NXNL1: variants seen among roughly 807,000 people sequenced by gnomAD.
NXNL1 encodes the protein nucleoredoxin like 1, also known as nucleoredoxin-like protein 1.
NXNL1 carries 6 observed loss-of-function variants against 7.2 expected under a neutral mutation model. The observed-to-expected ratio is 0.83, with a 90% CI of 0.46 to 1.64. NXNL1 has a LOEUF of 1.64. Among genes scored for constraint, NXNL1 ranks in the 40% most tolerant of loss-of-function variants. The pLI is 0.01. For synonymous variants in NXNL1, 133 were observed against 127.2 expected (o/e 1.05, Z -0.31); for missense variants, 308 against 285.1 (o/e 1.08, Z -0.58).
intron 1 of NXNL1, among the ~76,000 whole-genome samples, chr19:17,458,488 G>A (rs1163510581): frequency 3.3e-5 from 5 of 151,306 alleles, no homozygotes; most frequent in Admixed American, 2.0e-4. Context: ...GATTACAAGC[G>A]TGAGCCACTG....
intron 1 of NXNL1, 122 bp from the exon 2 acceptor site, chr19:17,456,081 CT>C: frequency 6.7e-7 from 1 of 1,493,830 alleles, no homozygotes; most frequent in Non-Finnish European, 8.9e-7. Flanking sequence ...TTGCCGGGCA[CT>C]GGGTAGGTGC....
In NXNL1 at chr19:17,460,923, G is replaced by C. The variant is rs73519955; in HGVS notation, c.-54C>G. 17,156 of 1,549,398 alleles carry C rather than the reference G, an allele frequency of 0.011. 761 individuals are homozygous for C. In the African/African-American group the frequency reaches 0.11, roughly 10 times the overall value. On this transcript the variant is annotated 5_prime_UTR_variant, in exon 1 of 2. Transcript: ENST00000301944. ...CGCGGCGTGTGGTCCCCGGTCTGCTGACTGGCTCCTCTCCCAGAAATAGAA... is the reference window on the plus strand; with the variant it reads ...CGCGGCGTGTGGTCCCCGGTCTGCTCACTGGCTCCTCTCCCAGAAATAGAA...
intron 1 of NXNL1, among the ~76,000 whole-genome samples, chr19:17,458,365 C>T (rs1323640620): frequency 4.0e-5 from 6 of 150,428 alleles, no homozygotes; most frequent in Admixed American, 3.3e-4. Flanking sequence ...GGACTACAGG[C>T]GCCCGCCACC....
At chr19:17,458,065 A>C (rs926914857) in intron 1 of NXNL1, among the ~76,000 whole-genome samples, 6 of 152,196 alleles carry the variant, frequency 3.9e-5, no homozygotes, top group African/African-American at 1.2e-4. Context: ...TTTTTATTGT[A>C]GACAAAGTGT....
chr19:17,460,503 C>T (rs1418206546), intron 1 of NXNL1, 41 bp downstream of exon 1: 1 of 1,589,234 alleles, frequency 6.3e-7, no homozygotes, highest in Non-Finnish European at 8.5e-7. Flanking sequence ...TTTCAGCGAA[C>T]ATGCCCCCTC....
Position 17,455,664 on chromosome 19 carries a change from C to T in NXNL1, c.622G>A (p.Ala208Thr). 3.9e-6 allele frequency: 2 copies of T among 514,986 alleles called. No individual in the cohort carries two copies. The highest frequency in any genetic ancestry group is 7.2e-6 in the Non-Finnish European group (2 of 276,422). 31.9% of individuals were successfully genotyped at this position (514,986 alleles called of 1,614,324 possible). A position where few individuals can be genotyped will look rare whatever the true frequency, so the allele number is the denominator to read the frequency against. Reference sequence around the variant, plus strand: ...CTAGCGGGTCAGAACAGCCCCCCGGCCCCGCCCTCCTCCCCACCCCCTCCC... The same window carrying T: ...CTAGCGGGTCAGAACAGCCCCCCGGTCCCGCCCTCCTCCCCACCCCCTCCC... ...PGGGGGEEGG[A>T]GGLF The change falls in exon 2 of 2, where the codon GCC (alanine) becomes ACC (threonine). Residue 208 changes from alanine (A) to threonine (T), a missense_variant. Transcript: ENST00000301944.
chr19:17,459,721 CT>C (rs1360326833), intron 1 of NXNL1, among the ~76,000 whole-genome samples: 3 of 150,926 alleles, frequency 2.0e-5, no homozygotes, highest in Non-Finnish European at 4.4e-5. Flanking sequence ...CCTGGCCTTA[CT>C]TTTTTAAGAG....
At position 17,455,870 on chromosome 19, in the gene NXNL1, TC is replaced by T. The variant is rs2074991259; in HGVS notation, c.415del (p.Asp139ThrfsTer125). The T allele has an allele frequency of 6.3e-7, 1 of 1,589,274 alleles. No individual in the cohort carries two copies. The highest frequency in any genetic ancestry group is 1.3e-5 in the African/African-American group (1 of 74,706). ...DGDVLTRDGA[D>X]EIQRLGTACF... ...GGCGGTGCCCAGGCGCTGGATCTCG[TC>T]GGCGCCGTCGCGAGTGAGCACGTCC... On this transcript the variant is annotated frameshift_variant, in exon 2 of 2. Coordinates refer to ENST00000301944, the MANE Select transcript of NXNL1 (RefSeq NM_138454.2). LOFTEE classifies it low-confidence loss of function (END_TRUNC).
In NXNL1 at chr19:17,460,537, T is replaced by A; in HGVS notation, c.326+7A>T. 1 of 1,599,732 alleles carries A rather than the reference T, an allele frequency of 6.3e-7. No individual in the cohort carries two copies. The highest frequency in any genetic ancestry group is 8.5e-7 in the Non-Finnish European group (1 of 1,179,888). On this transcript the variant is annotated splice_region_variant and intron_variant, in intron 1 of 1. Coordinates refer to ENST00000301944, the MANE Select transcript of NXNL1 (RefSeq NM_138454.2). ...TCCTCCAGGAAGCCCTCCCTGCCCC[T>A]CCTCACCTCCTCAGATCATCCTCAA...
chr19:17,458,616 T>C (rs1231099009), intron 1 of NXNL1, among the ~76,000 whole-genome samples: 1 of 120,790 alleles, frequency 8.3e-6, no homozygotes, highest in Non-Finnish European at 1.8e-5. Context: ...TTTTTTTTTT[T>C]TTTGAGACAG....
In NXNL1 at chr19:17,460,845, T is replaced by C. The variant is rs764488849; in HGVS notation, c.25A>G (p.Ile9Val). 6 of 1,613,584 alleles carry C rather than the reference T, an allele frequency of 3.7e-6. No homozygotes were observed. Among genetic ancestry groups the C allele is most frequent in the Middle Eastern group, 1.6e-4 (1 of 6,062 alleles). ...TGGTCGCTATTGTTGCGGATCAGGA[T>C]GCGGCCAGAGAACAGGGAGGCCATG... MASLFSGR[I>V]LIRNNSDQDE... is the part of the protein sequence containing the mutation. Residue 9 changes from isoleucine (I) to valine (V), a missense_variant, in exon 1 of 2, where the codon ATC becomes GTC. Transcript: ENST00000301944.
At position 17,459,973 on chromosome 19, in the gene NXNL1, C is replaced by T. The variant is rs550332904; in HGVS notation, c.326+571G>A. ...ATTGTATTTCCACTTTGTGGCCTAG[C>T]TTTGTCCTCTGAGCACTACTGCAAT... On this transcript the variant is annotated intron_variant, in intron 1 of 1. Transcript: ENST00000301944. Among the ~76,000 whole-genome samples the T allele has an allele frequency of 3.9e-5, 6 of 152,132 alleles. No individual in the cohort carries two copies. In the South Asian group the frequency reaches 1.2e-3, roughly 32 times the overall value.
At chr19:17,456,895 A>G (rs2074995326) in intron 1 of NXNL1, among the ~76,000 whole-genome samples, 1 of 151,704 alleles carries the variant, frequency 6.6e-6, no homozygotes, top group East Asian at 1.9e-4. Context: ...AAAAAATACA[A>G]AAAATTAGCC....
At chr19:17,458,411 G>C (rs8103782) in intron 1 of NXNL1, among the ~76,000 whole-genome samples, 1 of 150,460 alleles carries the variant, frequency 6.6e-6, no homozygotes, top group Non-Finnish European at 1.5e-5. Flanking sequence ...TAGTAGAGAC[G>C]GGGTTTCACC....
Position 17,455,668 on chromosome 19 carries a change from G to GGGGGGGC in NXNL1, c.617_618insGCCCCCC (p.Gly207ProfsTer12). The GGGGGGGC allele has an allele frequency of 9.1e-6, 3 of 330,276 alleles. No homozygotes were observed. The highest frequency in any genetic ancestry group is 7.7e-5 in the East Asian group (1 of 12,972). 20.5% of individuals were successfully genotyped at this position (330,276 alleles called of 1,614,324 possible). On this transcript the variant is annotated frameshift_variant, in exon 2 of 2. Transcript: ENST00000301944. LOFTEE classifies it high-confidence loss of function. ...CGGGTCAGAACAGCCCCCCGGCCCC[G>GGGGGGGC]CCCTCCTCCCCACCCCCTCCCCCGG...
intron 1 of NXNL1, among the ~76,000 whole-genome samples, chr19:17,457,999 T>A (rs1347462030): frequency 6.6e-6 from 1 of 152,162 alleles, no homozygotes. Flanking sequence ...CAACTCACTT[T>A]CAAATAATTT....
Position 17,455,765 on chromosome 19 carries a change from G to A in NXNL1, c.521C>T (p.Pro174Leu), listed in dbSNP as rs201624169. The A allele has an allele frequency of 9.1e-6, 14 of 1,544,092 alleles. No individual in the cohort carries two copies. Among genetic ancestry groups the A allele is most frequent in the Non-Finnish European group, 1.2e-5 (14 of 1,149,782 alleles). The change falls in exon 2 of 2, where the codon CCA becomes CTA. Residue 174 changes from proline to leucine, a missense_variant. Physicochemically the swap from Pro to Leu is moderately conservative, Grantham distance 98. Coordinates refer to ENST00000301944, the MANE Select transcript of NXNL1 (RefSeq NM_138454.2). Reference protein sequence around the residue: ...QLPEDLEDQEPRSLTECLRRH... With the variant: ...QLPEDLEDQELRSLTECLRRH... ...GCGCAGGCACTCGGTGAGGCTCCGT[G>A]GCTCCTGGTCCTCCAGGTCCTCTGG...
chr19:17,456,490 A>C (rs1847328638), intron 1 of NXNL1, among the ~76,000 whole-genome samples: 1 of 151,586 alleles, frequency 6.6e-6, no homozygotes, highest in African/African-American at 2.4e-5. Flanking sequence ...TGGGTGACAC[A>C]GCCAGATCCT....
chr19:17,456,948 G>A (rs543462619), intron 1 of NXNL1, among the ~76,000 whole-genome samples: 76 of 152,160 alleles, frequency 5.0e-4, no homozygotes, highest in Middle Eastern at 3.4e-3. Context: ...ACTCGGAGAG[G>A]CTGAGGCAGG....
Sources: gnomAD v4.1 joint callset for allele counts (sites outside exome capture counted in the v4.1 genomes callset) on GRCh38, gnomAD v4.1.1 for gene constraint, MANE v1.5 for transcripts, NCBI Gene and HGNC (gene_info 2026-07-23, HGNC 2026-07-21) for gene names.